PCDHGA7: variants seen among roughly 807,000 people sequenced by gnomAD.
The protein encoded by PCDHGA7 is protocadherin gamma-A7.
A neutral mutation model predicts 58.3 loss-of-function variants in PCDHGA7; 44 were observed. The ratio of observed to expected loss-of-function variants is 0.75; its 90% CI spans 0.59 to 0.97. The LOEUF (loss-of-function observed/expected upper bound fraction) is 0.97, where lower values mean the gene tolerates loss of function less well. PCDHGA7 is among the 50% of genes least tolerant of loss of function. The pLI, the probability that PCDHGA7 is intolerant of heterozygous loss-of-function variation, is 0.00. For missense variants in PCDHGA7, 1,266 were observed against 1,188.7 expected (o/e 1.06, Z -0.96); for synonymous variants, 516 against 504.2 (o/e 1.02, Z -0.31).
intron 1 of PCDHGA7, chr5:141,402,997 G>C: frequency 3.7e-6 from 6 of 1,613,928 alleles, no homozygotes; most frequent in Non-Finnish European, 5.1e-6. Context: ...GATTAGTCCT[G>C]CTATGCTCGC....
intron 1 of PCDHGA7, chr5:141,433,196 C>A (rs750657930): frequency 4.4e-6 from 7 of 1,575,116 alleles, no homozygotes; most frequent in African/African-American, 1.4e-5. Context: ...GAGTTTATAT[C>A]AAATCTTCTT....
At chr5:141,423,660 G>A (rs765304048) in intron 1 of PCDHGA7, 1 of 1,560,482 alleles carries the variant, frequency 6.4e-7, no homozygotes, top group Admixed American at 1.9e-5. Flanking sequence ...CAAGTAATCA[G>A]GTGAGATTTA....
Position 141,485,996 on chromosome 5 carries a change from G to A in PCDHGA7, c.2425-8811G>A, listed in dbSNP as rs114142606. On this transcript the variant is annotated intron_variant, in intron 1 of 3. Coordinates refer to ENST00000518325, the MANE Select transcript of PCDHGA7 (RefSeq NM_018920.4). The surrounding 1 kb of genome is among the most constrained non-coding windows in gnomAD (Gnocchi z 5.7). ...CTCAGACCCGGACCTGGGTCCCAGT[G>A]GTAACGTCACCTTTTATTTCAGTGG... The A allele has an allele frequency of 1.6e-4, 256 of 1,614,178 alleles. 1 individual carries two copies. Among genetic ancestry groups the A allele is most frequent in the Middle Eastern group, 1.5e-3 (9 of 6,062 alleles).
intron 1 of PCDHGA7, chr5:141,413,940 TC>T (rs1190444840): frequency 1.2e-6 from 2 of 1,613,390 alleles, no homozygotes; most frequent in East Asian, 2.2e-5. Context: ...GAGTGAGTGT[TC>T]CTGAGAATTT....
intron 1 of PCDHGA7, chr5:141,417,647 C>T: frequency 2.5e-6 from 2 of 812,384 alleles, no homozygotes; most frequent in Non-Finnish European, 3.7e-6. Context: ...ATCCCTCAGC[C>T]TCTAGCCTGG....
rs2233600 is a variant in PCDHGA7, at chr5:141,489,134, A to C, written c.2425-5673A>C. 9,827 of 731,232 alleles carry C rather than the reference A, an allele frequency of 0.013. 1,099 individuals are homozygous for C. The East Asian group carries it at 0.25, about 19-fold the overall frequency. The allele number at this position is 731,232 out of a possible 1,614,324, so 45.3% of individuals were successfully genotyped here. A position where few individuals can be genotyped will look rare whatever the true frequency, so the allele number is the denominator to read the frequency against. Reference sequence around the variant, plus strand: ...GGCAAACCTCCGAGCAGTTTTTAAGAGGCTGGAAGGAGACATAAGAGACTT... The same window carrying C: ...GGCAAACCTCCGAGCAGTTTTTAAGCGGCTGGAAGGAGACATAAGAGACTT... On this transcript the variant is annotated intron_variant, in intron 1 of 3. Transcript: ENST00000518325. The surrounding 1 kb of genome is among the most constrained non-coding windows in gnomAD (Gnocchi z 4.5).
In PCDHGA7 at chr5:141,413,416, C is replaced by G. The variant is rs893515703; in HGVS notation, c.2424+28093C>G. ...CAGAGGTAGGACGCAGCTTTTCTCT[C>G]TGAACCCGCGCAGCGGCAGCTTGAT... On this transcript the variant is annotated intron_variant, in intron 1 of 3. Transcript: ENST00000518325. 1 of 1,614,100 alleles carries G rather than the reference C, an allele frequency of 6.2e-7. No individual in the cohort carries two copies. Among genetic ancestry groups the G allele is most frequent in the Admixed American group, 1.7e-5 (1 of 60,034 alleles).
intron 2 of PCDHGA7, among the ~76,000 whole-genome samples, chr5:141,496,592 T>G (rs948403662): frequency 6.6e-6 from 1 of 152,136 alleles, no homozygotes; most frequent in African/African-American, 2.4e-5. Context: ...GCAAAGCGCT[T>G]CTTAGAAGGC....
intron 1 of PCDHGA7, chr5:141,392,226 A>C (rs1468453380): frequency 1.3e-5 from 2 of 152,228 alleles, no homozygotes; most frequent in Non-Finnish European, 2.9e-5. Flanking sequence ...GTGACAACTG[A>C]AGTTCTTAGT....
At chr5:141,422,217 C>T (rs1207888890) in intron 1 of PCDHGA7, 2 of 1,563,582 alleles carry the variant, frequency 1.3e-6, no homozygotes, top group Admixed American at 2.0e-5. Context: ...GTCTCTTTAC[C>T]ACCACGACGA....
chr5:141,447,919 C>G (rs940570932), intron 1 of PCDHGA7, among the ~76,000 whole-genome samples: 2 of 152,012 alleles, frequency 1.3e-5, no homozygotes, highest in East Asian at 1.9e-4. Context: ...AACTCTGTCT[C>G]CACTAAAAAT....
At chr5:141,506,306 G>A (rs539365378) in intron 3 of PCDHGA7, among the ~76,000 whole-genome samples, 4 of 152,040 alleles carry the variant, frequency 2.6e-5, no homozygotes, top group Non-Finnish European at 5.9e-5. Flanking sequence ...AAAATTAGCT[G>A]GGCATGGTGG....
intron 1 of PCDHGA7, among the ~76,000 whole-genome samples, chr5:141,437,452 G>GACTAT (rs1319101256): frequency 6.6e-6 from 1 of 152,144 alleles, no homozygotes; most frequent in Non-Finnish European, 1.5e-5. Context: ...ATGTTGAGGA[G>GACTAT]ACTATACTAT....
intron 2 of PCDHGA7, among the ~76,000 whole-genome samples, chr5:141,496,406 G>C (rs1485949584): frequency 6.6e-6 from 1 of 152,160 alleles, no homozygotes; most frequent in African/African-American, 2.4e-5. Flanking sequence ...CTCAATGGTT[G>C]AGTACTTGCT....
intron 1 of PCDHGA7, among the ~76,000 whole-genome samples, chr5:141,475,556 T>A (rs1420756007): frequency 6.6e-6 from 1 of 152,248 alleles, no homozygotes; most frequent in Non-Finnish European, 1.5e-5. Context: ...CGGCTAATTG[T>A]CTGTCTTCCA....
At chr5:141,428,095 A>G (rs1361784967) in intron 1 of PCDHGA7, 1 of 1,608,848 alleles carries the variant, frequency 6.2e-7, no homozygotes, top group East Asian at 2.2e-5. Flanking sequence ...TGGCTGTCCT[A>G]CCACGTGCTG....
rs1222079447 is a variant in PCDHGA7, at chr5:141,385,051, C to T, written c.2152C>T (p.Arg718Cys). The T allele has an allele frequency of 2.5e-6, 4 of 1,614,036 alleles. No homozygotes were observed. Among genetic ancestry groups the T allele is most frequent in the Admixed American group, 1.7e-5 (1 of 60,000 alleles). The change falls in exon 1 of 4, where the codon CGC becomes TGC. Residue 718 changes from arginine to cysteine, a missense_variant. Coordinates refer to ENST00000518325, the MANE Select transcript of PCDHGA7 (RefSeq NM_018920.4). ...VLVLLALRLR[R>C]WHKSRLLQAS... ...CGTACTGCTGGCGCTCAGGCTGCGGCGCTGGCACAAGTCACGCCTGCTGCA... is the reference window on the plus strand; with the variant it reads ...CGTACTGCTGGCGCTCAGGCTGCGGTGCTGGCACAAGTCACGCCTGCTGCA...
At chr5:141,433,605 G>A (rs1411907056) in intron 1 of PCDHGA7, among the ~76,000 whole-genome samples, 1 of 152,114 alleles carries the variant, frequency 6.6e-6, no homozygotes, top group South Asian at 2.1e-4. Context: ...GGAGGCCGAG[G>A]CGGGTGGATC....
In PCDHGA7 at chr5:141,486,649, C is replaced by G; in HGVS notation, c.2425-8158C>G. On this transcript the variant is annotated intron_variant, in intron 1 of 3. Transcript: ENST00000518325. This position sits in a 1 kb window ranked among gnomAD's most constrained non-coding sequence, Gnocchi z 5.0. The stretch of plus-strand genomic sequence containing the variant: ...CTGGCTTGAATGCGCTTATCTCCTA[C>G]TCACTCCTGGAGCCCAGGAATCGAG... The G allele has an allele frequency of 6.2e-7, 1 of 1,613,952 alleles. No individual in the cohort carries two copies. The highest frequency in any genetic ancestry group is 8.5e-7 in the Non-Finnish European group (1 of 1,180,034).
Sources: gnomAD v4.1 joint callset for allele counts (sites outside exome capture counted in the v4.1 genomes callset) on GRCh38, gnomAD v4.1.1 for gene constraint, Gnocchi (gnomAD v3.1) non-coding constraint, MANE v1.5 for transcripts, NCBI Gene and HGNC (gene_info 2026-07-23, HGNC 2026-07-21) for gene names.